The following HTR1E variants were observed in gnomAD, a reference collection of about 807,000 sequenced individuals.
HTR1E encodes the protein 5-hydroxytryptamine receptor 1E, also known as 5-HT-1E.
Under a neutral mutation model 3.4 loss-of-function variants are expected in HTR1E, and 3 were observed. The observed-to-expected ratio is 0.89, with a 90% CI of 0.41 to 2.31. HTR1E has a LOEUF of 2.31. Ranked by LOEUF, HTR1E falls within the 30% of genes most tolerant of loss-of-function variation. The probability of loss-of-function intolerance (pLI) is 0.05; values close to 1 mark genes in which losing one functional copy is unlikely to be tolerated. For synonymous variants in HTR1E, 170 were observed against 182.8 expected, an observed-to-expected ratio of 0.93 and a Z score of 0.56; for missense variants, 392 against 467.0, an observed-to-expected ratio of 0.84 and a Z score of 1.48.
intron 1 of HTR1E, among the ~76,000 whole-genome samples, chr6:87,010,465 A>G (rs1324584433): frequency 9.9e-4 from 142 of 142,866 alleles, no homozygotes; most frequent in South Asian, 1.9e-3. Flanking sequence ...CTCACCTCCC[A>G]GACGGGGTCT....
chr6:87,003,947 A>G (rs1312338102), intron 1 of HTR1E, among the ~76,000 whole-genome samples: 1 of 151,880 alleles, frequency 6.6e-6, no homozygotes, highest in Non-Finnish European at 1.5e-5. Flanking sequence ...TGTCAGAGAA[A>G]TTCAAAAGAT....
Position 86,937,589 on chromosome 6 carries a change from C to T in HTR1E, c.-420C>T, listed in dbSNP as rs828362. 0.16 allele frequency: 24,627 copies of T among 152,718 alleles called. 2,211 individuals carry two copies. The highest frequency in any genetic ancestry group is 0.27 in the Admixed American group (4,141 of 15,312). 9.5% of individuals were successfully genotyped at this position (152,718 alleles called of 1,614,324 possible). A position where few individuals can be genotyped will look rare whatever the true frequency, so the allele number is the denominator to read the frequency against. On this transcript the variant is annotated 5_prime_UTR_variant, in exon 1 of 2. Transcript: ENST00000305344. ...GCCACCAGCGGTGCCTCGGGCTGCC[C>T]GGCGCGCCGCGCTCCCAGGTTCTGT...
chr6:87,007,430 C>G (rs953898358), intron 1 of HTR1E, among the ~76,000 whole-genome samples: 1 of 152,022 alleles, frequency 6.6e-6, no homozygotes, highest in Admixed American at 6.6e-5. Flanking sequence ...AACAGGGTGA[C>G]TATAGTCAAC....
At chr6:86,979,373 G>C (rs1356468462) in intron 1 of HTR1E, among the ~76,000 whole-genome samples, 11 of 152,252 alleles carry the variant, frequency 7.2e-5, no homozygotes, top group Non-Finnish European at 1.3e-4. Context: ...ATTCACAAAG[G>C]AGTCCATGAC....
chr6:86,991,488 A>G (rs1195029188), intron 1 of HTR1E, among the ~76,000 whole-genome samples: 1 of 152,208 alleles, frequency 6.6e-6, no homozygotes, highest in African/African-American at 2.4e-5. Flanking sequence ...TTCTTAAAAT[A>G]GATGGTGCAA....
At chr6:86,966,555 A>C (rs1274350859) in intron 1 of HTR1E, among the ~76,000 whole-genome samples, 1 of 152,128 alleles carries the variant, frequency 6.6e-6, no homozygotes, top group Non-Finnish European at 1.5e-5. Context: ...TTACAATATG[A>C]GATTGAATCT....
At chr6:87,005,621 T>C (rs1463996583) in intron 1 of HTR1E, among the ~76,000 whole-genome samples, 1 of 152,088 alleles carries the variant, frequency 6.6e-6, no homozygotes, top group Non-Finnish European at 1.5e-5. Flanking sequence ...ATCTAAGACC[T>C]CAAACTATGA....
chr6:87,013,607 T>C (rs1288423256), intron 1 of HTR1E, among the ~76,000 whole-genome samples: 1 of 152,132 alleles, frequency 6.6e-6, no homozygotes, highest in Non-Finnish European at 1.5e-5. Context: ...CAATATAATT[T>C]TTTCTTTAAC....
At chr6:86,969,348 T>C (rs544602294) in intron 1 of HTR1E, among the ~76,000 whole-genome samples, 1 of 151,964 alleles carries the variant, frequency 6.6e-6, no homozygotes, top group African/African-American at 2.4e-5. Flanking sequence ...ACTTTCATGA[T>C]ATAAAAGGTA....
chr6:86,997,277 T>C (rs770376440), intron 1 of HTR1E, among the ~76,000 whole-genome samples: 2 of 151,902 alleles, frequency 1.3e-5, no homozygotes, highest in East Asian at 1.9e-4. Flanking sequence ...CTCTCTAAGA[T>C]AGGGAATAAG....
intron 1 of HTR1E, among the ~76,000 whole-genome samples, chr6:86,959,192 A>G (rs796403041): frequency 6.6e-6 from 1 of 152,090 alleles, no homozygotes; most frequent in Admixed American, 6.5e-5. Flanking sequence ...TGATTGGATG[A>G]GGCCTACCAC....
At chr6:86,963,794 T>A (rs1582262904) in intron 1 of HTR1E, among the ~76,000 whole-genome samples, 1 of 152,218 alleles carries the variant, frequency 6.6e-6, no homozygotes, top group African/African-American at 2.4e-5. Context: ...GGCTATACCA[T>A]CTAGATCTGT....
intron 1 of HTR1E, among the ~76,000 whole-genome samples, chr6:86,960,997 T>C (rs1035616877): frequency 6.6e-6 from 1 of 152,260 alleles, no homozygotes; most frequent in African/African-American, 2.4e-5. Context: ...ACACATATAC[T>C]GTATGTTTAT....
At chr6:86,943,258 G>A (rs895381734) in intron 1 of HTR1E, among the ~76,000 whole-genome samples, 1 of 152,172 alleles carries the variant, frequency 6.6e-6, no homozygotes, top group Non-Finnish European at 1.5e-5. Flanking sequence ...ACCCAGGCCT[G>A]TGTGAAGATA....
At chr6:86,988,283 G>A (rs541309357) in intron 1 of HTR1E, among the ~76,000 whole-genome samples, 1 of 152,168 alleles carries the variant, frequency 6.6e-6, no homozygotes, top group South Asian at 2.1e-4. Flanking sequence ...GTTTACCACG[G>A]GAAGTACACT....
Position 87,015,977 on chromosome 6 carries a change from A to G in HTR1E, c.643A>G (p.Lys215Glu), listed in dbSNP as rs1768318389. ...CCACGCGGCCAAGAGCCTTTACCAG[A>G]AAAGGGGATCAAGTCGGCACTTAAG... ...IYHAAKSLYQ[K>E]RGSSRHLSNR... The change falls in exon 2 of 2, where the codon AAA becomes GAA. Residue 215 changes from lysine to glutamate, a missense_variant. Lys to Glu is a moderately conservative substitution (Grantham distance 56). Around this residue, in one of 3 missense-constraint regions of HTR1E, gnomAD observed 178 missense variants for 164.9 expected, o/e 1.08. Coordinates refer to ENST00000305344, the MANE Select transcript of HTR1E (RefSeq NM_000865.3). The G allele has an allele frequency of 6.2e-7, 1 of 1,614,118 alleles. No individual in the cohort carries two copies. Among genetic ancestry groups the G allele is most frequent in the Non-Finnish European group, 8.5e-7 (1 of 1,180,048 alleles).
intron 1 of HTR1E, among the ~76,000 whole-genome samples, chr6:86,987,872 T>C (rs1767812582): frequency 2.0e-5 from 3 of 152,110 alleles, no homozygotes; most frequent in African/African-American, 7.2e-5. Context: ...TTAATCTCAT[T>C]CATGAAGGAG....
Position 86,998,716 on chromosome 6 carries a change from A to T in HTR1E, c.-185-16434A>T, listed in dbSNP as rs138544499. Among the ~76,000 whole-genome samples the T allele has an allele frequency of 3.7e-3, 556 of 152,308 alleles. 3 individuals carry two copies. Among genetic ancestry groups the T allele is most frequent in the African/African-American group, 9.6e-3 (401 of 41,580 alleles). ...GTAAGTAAAAGGAAGGAAATAATAA[A>T]TATAAAGACTGAAAGGAATAAAATA... On this transcript the variant is annotated intron_variant, in intron 1 of 1. Transcript: ENST00000305344.
intron 1 of HTR1E, among the ~76,000 whole-genome samples, chr6:86,938,129 CTTAAAGA>C (rs1431670388): frequency 6.6e-6 from 1 of 152,176 alleles, no homozygotes; most frequent in Non-Finnish European, 1.5e-5. Flanking sequence ...TTAGAGGCAG[CTTAAAGA>C]TTAAATAGGT....
Sources: allele counts gnomAD v4.1 joint callset (sites outside exome capture counted in the v4.1 genomes callset), GRCh38; gene constraint gnomAD v4.1.1; regional missense constraint gnomAD v4.1.1; transcripts MANE v1.5; gene names NCBI Gene and HGNC (gene_info 2026-07-23, HGNC 2026-07-21).